The following ACBD6 variants were observed in gnomAD, a reference collection of about 807,000 sequenced individuals.
The protein encoded by ACBD6 is acyl-CoA binding domain containing 6, also known as acyl-CoA-binding domain-containing protein 6.
In ACBD6, 28 loss-of-function variants were observed where a neutral mutation model predicts 37.2. That is an observed-to-expected ratio of 0.75 (90% CI 0.56 to 1.03). ACBD6 has a LOEUF of 1.03. Ranked by LOEUF, ACBD6 falls within the 50% of genes least tolerant of loss-of-function variation. ACBD6 has a pLI of 0.00. For missense variants in ACBD6, 340 were observed against 337.4 expected, an observed-to-expected ratio of 1.01 and a Z score of -0.06; for synonymous variants, 113 against 126.8, an observed-to-expected ratio of 0.89 and a Z score of 0.73.
At chr1:180,439,411 C>T (rs903616606) in intron 3 of ACBD6, among the ~76,000 whole-genome samples, 1 of 152,010 alleles carries the variant, frequency 6.6e-6, no homozygotes, top group Non-Finnish European at 1.5e-5. Context: ...GGTGAAACCC[C>T]GTCTCTACTA....
At chr1:180,486,841 C>T (rs987222343) in intron 3 of ACBD6, among the ~76,000 whole-genome samples, 1 of 152,164 alleles carries the variant, frequency 6.6e-6, no homozygotes, top group Non-Finnish European at 1.5e-5. Flanking sequence ...AATATTGGGA[C>T]AAACAGATAT....
chr1:180,288,210 G>C (rs1365064401), downstream of ACBD6: 7 of 1,022,276 alleles, frequency 6.8e-6, no homozygotes, highest in Non-Finnish European at 1.0e-5. Context: ...CAAGAAGAAT[G>C]AATTGCTGAG....
At chr1:180,375,776 T>C (rs751405614) in intron 6 of ACBD6, among the ~76,000 whole-genome samples, 2 of 152,172 alleles carry the variant, frequency 1.3e-5, no homozygotes, top group Non-Finnish European at 2.9e-5. Flanking sequence ...GGAATCTCTC[T>C]TGAAAAGGCT....
chr1:180,364,010 C>T (rs190328591), intron 6 of ACBD6, among the ~76,000 whole-genome samples: 1 of 152,232 alleles, frequency 6.6e-6, no homozygotes. Context: ...AACAAGAATA[C>T]AAGATGTGTC....
In ACBD6 at chr1:180,475,939, AAG is replaced by A. The variant is rs367874921; in HGVS notation, c.384+16328_384+16329del. Among the ~76,000 whole-genome samples the A allele has an allele frequency of 2.2e-4, 33 of 152,324 alleles. 1 individual carries two copies. The East Asian group carries it at 5.4e-3, about 25-fold the overall frequency. Reference sequence around the variant, plus strand: ...ACTTAAATCAACAACATGGATTATTAAGAGTTTCACTAAATTTGTTATTGAAT... The same window carrying A: ...ACTTAAATCAACAACATGGATTATTAAGTTTCACTAAATTTGTTATTGAAT... On this transcript the variant is annotated intron_variant, in intron 3 of 7. Coordinates refer to ENST00000367595, the MANE Select transcript of ACBD6 (RefSeq NM_032360.4).
intron 1 of ACBD6, among the ~76,000 whole-genome samples, chr1:180,501,215 T>G (rs1331359764): frequency 6.6e-6 from 1 of 152,208 alleles, no homozygotes; most frequent in Admixed American, 6.5e-5. Flanking sequence ...TGTTCATAGC[T>G]CTAAAATTTT....
At chr1:180,288,666 T>C in intron 7 of ACBD6, 149 bp from the exon 8 acceptor site, 1 of 1,008,764 alleles carries the variant, frequency 9.9e-7, no homozygotes, top group African/African-American at 1.6e-5. Flanking sequence ...GGCCTGGTAA[T>C]GAGAACTGTG....
At chr1:180,347,445 G>A (rs1234325863) in intron 6 of ACBD6, among the ~76,000 whole-genome samples, 1 of 144,270 alleles carries the variant, frequency 6.9e-6, no homozygotes, top group Non-Finnish European at 1.5e-5. Flanking sequence ...GCTCACTGCA[G>A]CCTCCCCCTC....
intron 3 of ACBD6, among the ~76,000 whole-genome samples, chr1:180,490,468 C>T (rs1166539892): frequency 6.6e-6 from 1 of 150,976 alleles, no homozygotes; most frequent in East Asian, 1.9e-4. Context: ...CATGGCAAAA[C>T]CCTATCTCTA....
chr1:180,280,299 G>A (rs745488972), intron 9 of ACBD6, among the ~76,000 whole-genome samples: 1 of 151,966 alleles, frequency 6.6e-6, no homozygotes, highest in Non-Finnish European at 1.5e-5. Flanking sequence ...CCACCTTATT[G>A]TGTGTGTGGC....
At chr1:180,368,023 TC>T (rs1653116133) in intron 6 of ACBD6, among the ~76,000 whole-genome samples, 1 of 152,002 alleles carries the variant, frequency 6.6e-6, no homozygotes, top group Non-Finnish European at 1.5e-5. Context: ...GAATACATGT[TC>T]CCTGTTCTCC....
chr1:180,393,311 T>C (rs987238764), intron 6 of ACBD6, among the ~76,000 whole-genome samples: 1 of 151,044 alleles, frequency 6.6e-6, no homozygotes, highest in East Asian at 1.9e-4. Context: ...AGCCGCAGTA[T>C]AAAAAAAAAT....
At chr1:180,406,492 A>G (rs1227764071) in intron 5 of ACBD6, among the ~76,000 whole-genome samples, 3 of 152,186 alleles carry the variant, frequency 2.0e-5, no homozygotes, top group Non-Finnish European at 4.4e-5. Flanking sequence ...AAATAACTTC[A>G]TTATGAAATA....
Position 180,502,236 on chromosome 1 carries a change from T to C in ACBD6, c.31A>G (p.Ile11Val), listed in dbSNP as rs1652014951. 9 of 1,613,626 alleles carry C rather than the reference T, an allele frequency of 5.6e-6. No individual in the cohort carries two copies. Among genetic ancestry groups the C allele is most frequent in the African/African-American group, 5.3e-5 (4 of 74,940 alleles). MASSFLPAGA[I>V]TGDSGGELSS... is the part of the protein sequence containing the mutation. ...AGCTCTCCACCGCTGTCGCCGGTGA[T>C]GGCCCCCGCGGGCAGGAATGATGAA... The change falls in exon 1 of 8, where the codon ATC (isoleucine) becomes GTC (valine). Residue 11 changes from isoleucine (I) to valine (V), a missense_variant. Physicochemically the swap from Ile to Val is conservative, Grantham distance 29. Transcript: ENST00000367595.
chr1:180,455,485 C>G (rs1354297127), intron 3 of ACBD6, among the ~76,000 whole-genome samples: 2 of 151,770 alleles, frequency 1.3e-5, no homozygotes, highest in Non-Finnish European at 1.5e-5. Context: ...CAAACCTGCA[C>G]GTTCTGCACA....
chr1:180,464,263 C>T (rs746908754), intron 3 of ACBD6, among the ~76,000 whole-genome samples: 10 of 152,116 alleles, frequency 6.6e-5, no homozygotes, highest in South Asian at 2.1e-4. Flanking sequence ...TGTTTGCAGA[C>T]GACATGATTC....
At chr1:180,436,538 T>G (rs564216950) in intron 3 of ACBD6, among the ~76,000 whole-genome samples, 93 of 152,238 alleles carry the variant, frequency 6.1e-4, no homozygotes, top group African/African-American at 2.1e-3. Flanking sequence ...TTGCGTTGTG[T>G]TTTTTTGCCC....
At chr1:180,428,273 A>C (rs768200222) in intron 4 of ACBD6, among the ~76,000 whole-genome samples, 1 of 152,236 alleles carries the variant, frequency 6.6e-6, no homozygotes, top group Non-Finnish European at 1.5e-5. Context: ...ATATTTATTA[A>C]ACATACTTTC....
In ACBD6 at chr1:180,317,689, T is replaced by C. The variant is rs549019896; in HGVS notation, c.664-2967A>G. ...GAATGAGGGTCTCTGGTTCTTGTCA[T>C]TTCAACAATATTTTTTCTTGGTTAG... On this transcript the variant is annotated intron_variant, in intron 6 of 7. Transcript: ENST00000367595. 3.9e-5 allele frequency among the ~76,000 whole-genome samples: 6 copies of C among 152,264 alleles called. No homozygotes were observed. In the South Asian group the frequency reaches 1.2e-3, roughly 32 times the overall value.
Sources: allele counts gnomAD v4.1 joint callset (sites outside exome capture counted in the v4.1 genomes callset), GRCh38; gene constraint gnomAD v4.1.1; transcripts MANE v1.5; gene names NCBI Gene and HGNC (gene_info 2026-07-23, HGNC 2026-07-21).